ADCY2: variants seen among roughly 807,000 people sequenced by gnomAD.
ADCY2 encodes the protein adenylate cyclase 2, also known as adenylate cyclase type 2.
ADCY2 carries 31 observed loss-of-function variants against 125.2 expected under a neutral mutation model. The observed-to-expected ratio is 0.25, with a 90% CI of 0.19 to 0.33. The LOEUF is 0.33. Ranked by LOEUF, ADCY2 falls within the 10% of genes least tolerant of loss-of-function variation. The pLI, the probability that ADCY2 is intolerant of heterozygous loss-of-function variation, is 1.00. For missense variants in ADCY2, 904 were observed against 1,418.2 expected (o/e 0.64, Z 5.82); for synonymous variants, 512 against 548.4 (o/e 0.93, Z 0.93).
chr5:7,453,464 C>T lies in ADCY2; in HGVS notation c.408+38694C>T, dbSNP rs774437046. Among the ~76,000 whole-genome samples, 7 of 152,134 alleles carry T rather than the reference C, an allele frequency of 4.6e-5. No homozygotes were observed. In the East Asian group the frequency reaches 7.7e-4, roughly 17 times the overall value. ...CAGCAACAACAGTTCTTGTTACTGG[C>T]GGTGAATCCCTGTGTGTCTGCAGCA... On this transcript the variant is annotated intron_variant, in intron 2 of 24. Coordinates refer to ENST00000338316, the MANE Select transcript of ADCY2 (RefSeq NM_020546.3).
At chr5:7,594,734 C>T (rs150233643) in intron 3 of ADCY2, among the ~76,000 whole-genome samples, 145 of 152,204 alleles carry the variant, frequency 9.5e-4, no homozygotes, top group African/African-American at 3.3e-3. Context: ...TAAAACGTCA[C>T]CAGGTGGGTA....
At chr5:7,430,307 A>G (rs1740540747) in intron 2 of ADCY2, among the ~76,000 whole-genome samples, 1 of 151,964 alleles carries the variant, frequency 6.6e-6, no homozygotes, top group South Asian at 2.1e-4. Flanking sequence ...TTCTACAGAA[A>G]TTCATCCACA....
At position 7,763,157 on chromosome 5, in the gene ADCY2, G is replaced by T. The variant is rs183266399; in HGVS notation, c.2095-3530G>T. On this transcript the variant is annotated intron_variant, in intron 16 of 24. Coordinates refer to ENST00000338316, the MANE Select transcript of ADCY2 (RefSeq NM_020546.3). ...CGCCCAGGCTGGAGTGCAGTGGCGG[G>T]ATCTCGGCTCACTGCAAGCTCCGCC... Among the ~76,000 whole-genome samples, 1,113 of 152,054 alleles carry T rather than the reference G, an allele frequency of 7.3e-3. 8 individuals are homozygous for T. Among genetic ancestry groups the T allele is most frequent in the Non-Finnish European group, 0.013 (910 of 67,970 alleles).
chr5:7,570,933 T>G (rs1736047253), intron 3 of ADCY2, among the ~76,000 whole-genome samples: 1 of 152,168 alleles, frequency 6.6e-6, no homozygotes, highest in Non-Finnish European at 1.5e-5. Context: ...GTTTGCAAGG[T>G]TTAGAAACAC....
At chr5:7,622,401 A>C (rs934075682) in intron 3 of ADCY2, among the ~76,000 whole-genome samples, 2 of 152,220 alleles carry the variant, frequency 1.3e-5, no homozygotes, top group South Asian at 4.1e-4. Context: ...TAATTTGATA[A>C]GTTTTCCATC....
intron 2 of ADCY2, among the ~76,000 whole-genome samples, chr5:7,487,487 C>G (rs965888714): frequency 6.6e-5 from 10 of 152,204 alleles, no homozygotes; most frequent in Non-Finnish European, 1.5e-4. Flanking sequence ...TGTCTAGAAG[C>G]TTTGTGAAGG....
rs142515106 is a variant in ADCY2, at chr5:7,513,078, G to GACACACACACAC, written c.409-7642_409-7631dup. Reference sequence around the variant, plus strand: ...GAGGGAGAATATGTGGAAAATACATGACACACACACACACACACACACACA... The same window carrying GACACACACACAC: ...GAGGGAGAATATGTGGAAAATACATGACACACACACACACACACACACACACACACACACACA... On this transcript the variant is annotated intron_variant, in intron 2 of 24. Coordinates refer to ENST00000338316, the MANE Select transcript of ADCY2 (RefSeq NM_020546.3). 5.4e-3 allele frequency among the ~76,000 whole-genome samples: 672 copies of GACACACACACAC among 124,040 alleles called. 5 individuals are homozygous for GACACACACACAC. The highest frequency in any genetic ancestry group is 0.014 in the African/African-American group (465 of 33,356). 81.4% of individuals were successfully genotyped at this position (124,040 alleles called of 152,430 possible).
At chr5:7,474,023 C>T (rs1451334685) in intron 2 of ADCY2, among the ~76,000 whole-genome samples, 1 of 152,206 alleles carries the variant, frequency 6.6e-6, no homozygotes, top group Non-Finnish European at 1.5e-5. Flanking sequence ...TGGGAAGCAG[C>T]TGTCTTTCTT....
At chr5:7,629,389 C>T (rs879502157) in intron 4 of ADCY2, among the ~76,000 whole-genome samples, 22 of 152,166 alleles carry the variant, frequency 1.4e-4, no homozygotes, top group Non-Finnish European at 2.6e-4. Flanking sequence ...AATTGCAAAA[C>T]TCCATGCTGT....
At chr5:7,704,115 G>A (rs551046257) in intron 7 of ADCY2, among the ~76,000 whole-genome samples, 1 of 152,052 alleles carries the variant, frequency 6.6e-6, no homozygotes, top group South Asian at 2.1e-4. Context: ...TCTCTCCCAT[G>A]CAAGGATGTG....
chr5:7,824,768 G>A (rs895147981), intron 24 of ADCY2, among the ~76,000 whole-genome samples: 9 of 152,152 alleles, frequency 5.9e-5, no homozygotes, highest in East Asian at 1.9e-4. Flanking sequence ...TCCATAGCCC[G>A]CCCTTGAGAT....
At chr5:7,653,620 C>G (rs1045440920) in intron 4 of ADCY2, among the ~76,000 whole-genome samples, 14 of 149,790 alleles carry the variant, frequency 9.3e-5, no homozygotes, top group Admixed American at 9.3e-4. Flanking sequence ...AAAAAAAAAA[C>G]GTGAAGAATT....
intron 3 of ADCY2, among the ~76,000 whole-genome samples, chr5:7,592,638 C>T (rs1422906912): frequency 1.3e-5 from 2 of 152,000 alleles, no homozygotes; most frequent in Non-Finnish European, 2.9e-5. Flanking sequence ...ACCTTCCTTC[C>T]GTGTAATGAT....
chr5:7,586,393 C>T (rs1736626100), intron 3 of ADCY2, among the ~76,000 whole-genome samples: 1 of 152,162 alleles, frequency 6.6e-6, no homozygotes, highest in African/African-American at 2.4e-5. Flanking sequence ...CAGGCCTGTC[C>T]TTTCTGTCAG....
chr5:7,787,562 T>A (rs1037050979), intron 19 of ADCY2, among the ~76,000 whole-genome samples: 1 of 152,232 alleles, frequency 6.6e-6, no homozygotes, highest in Non-Finnish European at 1.5e-5. Flanking sequence ...GGGCCTTTCA[T>A]ACAAGCTGCT....
chr5:7,673,314 C>T (rs1740006690), intron 4 of ADCY2, among the ~76,000 whole-genome samples: 1 of 117,114 alleles, frequency 8.5e-6, no homozygotes, highest in East Asian at 2.5e-4. Flanking sequence ...TGGAACATGC[C>T]TGTGGTCCCA....
At chr5:7,494,544 C>A (rs1159945304) in intron 2 of ADCY2, among the ~76,000 whole-genome samples, 2 of 152,132 alleles carry the variant, frequency 1.3e-5, no homozygotes, top group Admixed American at 1.3e-4. Context: ...GCTCAAATTT[C>A]ACCATCCTTA....
chr5:7,451,575 T>G, intron 2 of ADCY2, among the ~76,000 whole-genome samples: 1 of 152,170 alleles, frequency 6.6e-6, no homozygotes, highest in Non-Finnish European at 1.5e-5. Context: ...ATTTATAATA[T>G]TACAGAAATT....
chr5:7,520,681 G>A, intron 2 of ADCY2, 57 bp from the exon 3 acceptor site: 4 of 1,593,196 alleles, frequency 2.5e-6, no homozygotes, highest in Non-Finnish European at 3.4e-6. Flanking sequence ...GGAAACAGGA[G>A]GCTCTTAGAA....
Sources: allele counts gnomAD v4.1 joint callset (sites outside exome capture counted in the v4.1 genomes callset), GRCh38; gene constraint gnomAD v4.1.1; transcripts MANE v1.5; gene names NCBI Gene and HGNC (gene_info 2026-07-23, HGNC 2026-07-21).